Variants in KCNQ3 observed in about 807,000 individuals in gnomAD.
The protein encoded by KCNQ3 is potassium voltage-gated channel subfamily KQT member 3.
In KCNQ3, 30 loss-of-function variants were observed where a neutral mutation model predicts 92.5. The ratio of observed to expected loss-of-function variants is 0.32; its 90% CI spans 0.24 to 0.44. KCNQ3 has a LOEUF of 0.44. Among genes scored for constraint, KCNQ3 ranks in the 20% least tolerant of loss-of-function variants. The probability of loss-of-function intolerance (pLI) is 1.00; values close to 1 mark genes in which losing one functional copy is unlikely to be tolerated. For synonymous variants in KCNQ3, 450 were observed against 468.8 expected (o/e 0.96, Z 0.52); for missense variants, 913 against 1,140.3 (o/e 0.80, Z 2.87).
intron 1 of KCNQ3, among the ~76,000 whole-genome samples, chr8:132,316,209 T>C (rs1586920919): frequency 6.6e-6 from 1 of 152,172 alleles, no homozygotes; most frequent in East Asian, 1.9e-4. Context: ...TGGTGCACTG[T>C]GGCATAAGCT....
At chr8:132,273,332 C>T (rs1421116248) in intron 1 of KCNQ3, among the ~76,000 whole-genome samples, 2 of 152,238 alleles carry the variant, frequency 1.3e-5, no homozygotes. Context: ...ATGGGGCTTG[C>T]ATCCTCTGAA....
At chr8:132,369,379 T>C (rs1819408931) in intron 1 of KCNQ3, among the ~76,000 whole-genome samples, 1 of 152,170 alleles carries the variant, frequency 6.6e-6, no homozygotes, top group African/African-American at 2.4e-5. Flanking sequence ...CCATAAATTG[T>C]TTGAAATTCT....
At chr8:132,267,361 C>G (rs553837345) in intron 1 of KCNQ3, among the ~76,000 whole-genome samples, 10 of 152,262 alleles carry the variant, frequency 6.6e-5, no homozygotes, top group African/African-American at 2.4e-4. Flanking sequence ...GTATTGCCCA[C>G]GTCCTCTGTG....
chr8:132,439,572 A>C (rs1821481752), intron 1 of KCNQ3, among the ~76,000 whole-genome samples: 2 of 152,168 alleles, frequency 1.3e-5, no homozygotes, highest in Admixed American at 6.5e-5. Context: ...TAAAGAGATG[A>C]TTCCAGATTA....
At chr8:132,469,924 T>A (rs1392127439) in intron 1 of KCNQ3, among the ~76,000 whole-genome samples, 1 of 151,850 alleles carries the variant, frequency 6.6e-6, no homozygotes, top group African/African-American at 2.4e-5. Flanking sequence ...AGTAGTACCT[T>A]CGTCTCATCC....
chr8:132,364,694 C>CGGACGGAT (rs61064169), intron 1 of KCNQ3, among the ~76,000 whole-genome samples: 94 of 138,038 alleles, frequency 6.8e-4, no homozygotes, highest in African/African-American at 2.4e-3. Flanking sequence ...GACGGACGGA[C>CGGACGGAT]GGATGGATGG....
chr8:132,416,489 G>A (rs530653938), intron 1 of KCNQ3, among the ~76,000 whole-genome samples: 8 of 152,084 alleles, frequency 5.3e-5, no homozygotes, highest in South Asian at 2.1e-4. Context: ...ACATGATGGC[G>A]GGCACCCATA....
intron 1 of KCNQ3, among the ~76,000 whole-genome samples, chr8:132,368,684 A>T (rs1441610285): frequency 6.6e-6 from 1 of 152,186 alleles, no homozygotes; most frequent in African/African-American, 2.4e-5. Flanking sequence ...AAAATATTTT[A>T]AAAAGAAATG....
At chr8:132,417,390 T>A (rs986883450) in intron 1 of KCNQ3, among the ~76,000 whole-genome samples, 3 of 151,998 alleles carry the variant, frequency 2.0e-5, no homozygotes, top group Non-Finnish European at 4.4e-5. Context: ...GACCCACCCA[T>A]CTCCTGCTGG....
rs375348098 is a variant in KCNQ3 at position 132,130,048 on chromosome 8, G to A, written c.1885-52C>T. ...ACCACTTTCTCTGAGGGTGGGGATC[G>A]TTGCTATTGGTTGGGAGGAAATATT... On this transcript the variant is annotated intron_variant, in intron 14 of 14. Transcript: ENST00000388996. The A allele has an allele frequency of 4.1e-4, 643 of 1,563,858 alleles. 4 individuals carry two copies. Among genetic ancestry groups the A allele is most frequent in the East Asian group, 2.9e-3 (130 of 44,516 alleles).
intron 1 of KCNQ3, among the ~76,000 whole-genome samples, chr8:132,238,519 G>T (rs773394165): frequency 6.6e-6 from 1 of 152,106 alleles, no homozygotes; most frequent in Non-Finnish European, 1.5e-5. Flanking sequence ...TTTGACTGTA[G>T]ATCCGCTTTT....
At chr8:132,441,149 C>T (rs1821525351) in intron 1 of KCNQ3, among the ~76,000 whole-genome samples, 1 of 152,206 alleles carries the variant, frequency 6.6e-6, no homozygotes, top group Non-Finnish European at 1.5e-5. Flanking sequence ...TTTCCCACCC[C>T]CAACACTTGA....
intron 9 of KCNQ3, among the ~76,000 whole-genome samples, chr8:132,148,544 C>A (rs1252931621): frequency 1.3e-5 from 2 of 152,218 alleles, no homozygotes; most frequent in Admixed American, 1.3e-4. Context: ...TATGTGTCAA[C>A]TTGACTGAGC....
intron 1 of KCNQ3, among the ~76,000 whole-genome samples, chr8:132,228,968 T>C (rs570686792): frequency 6.8e-6 from 1 of 146,798 alleles, no homozygotes; most frequent in Non-Finnish European, 1.5e-5. Context: ...TAAAAATCTT[T>C]CTGGAGGCTG....
intron 1 of KCNQ3, among the ~76,000 whole-genome samples, chr8:132,374,467 A>C (rs72721038): frequency 0.14 from 21,496 of 152,184 alleles, 1,672 homozygotes; most frequent in African/African-American, 0.2. Context: ...GCCTTGGCCC[A>C]GTACTGCCCC....
At chr8:132,268,078 C>T (rs984845164) in intron 1 of KCNQ3, among the ~76,000 whole-genome samples, 11 of 152,178 alleles carry the variant, frequency 7.2e-5, no homozygotes, top group Admixed American at 5.9e-4. Context: ...ATCCTATGTC[C>T]TCTGCCTATT....
In KCNQ3 at chr8:132,129,531, G is replaced by C. The variant is rs201380158; in HGVS notation, c.2350C>G (p.Arg784Gly). 8.7e-6 allele frequency: 14 copies of C among 1,614,218 alleles called. No individual in the cohort carries two copies. Among genetic ancestry groups the C allele is most frequent in the Non-Finnish European group, 1.2e-5 (14 of 1,180,040 alleles). The stretch of plus-strand genomic sequence containing the variant: ...AGGGACAGAGGTGTGTCACTGTCTC[G>C]CGTGATGCTACGTCTCTGCCGGGGG... ...ISPRQRRSIT[R>G]DSDTPLSLMS... Residue 784 changes from arginine (R) to glycine (G), a missense_variant, in exon 15 of 15, where the codon CGA becomes GGA. Arg to Gly is a moderately radical substitution (Grantham distance 125). Coordinates refer to ENST00000388996, the MANE Select transcript of KCNQ3 (RefSeq NM_004519.4). The surrounding 1 kb of genome is among the most constrained non-coding windows in gnomAD (Gnocchi z 5.9).
At chr8:132,139,865 G>A (rs1018487103) in intron 11 of KCNQ3, among the ~76,000 whole-genome samples, 6 of 152,134 alleles carry the variant, frequency 3.9e-5, no homozygotes, top group Non-Finnish European at 8.8e-5. Flanking sequence ...AGGTACCTAC[G>A]AGTCACCCAT....
At chr8:132,294,501 A>G (rs1342822371) in intron 1 of KCNQ3, among the ~76,000 whole-genome samples, 2 of 152,216 alleles carry the variant, frequency 1.3e-5, no homozygotes, top group East Asian at 3.9e-4. Context: ...TCTTGGTCCT[A>G]TAGGTCCTCT....
Sources: allele counts gnomAD v4.1 joint callset (sites outside exome capture counted in the v4.1 genomes callset), GRCh38; gene constraint gnomAD v4.1.1; non-coding constraint Gnocchi (gnomAD v3.1); transcripts MANE v1.5; gene names NCBI Gene and HGNC (gene_info 2026-07-23, HGNC 2026-07-21).